CCDC138: variants seen among roughly 807,000 people sequenced by gnomAD.
CCDC138 encodes the protein coiled-coil domain-containing protein 138.
Under a neutral mutation model 82.3 loss-of-function variants are expected in CCDC138, and 66 were observed. The observed-to-expected ratio is 0.80, with a 90% CI of 0.66 to 0.98. The LOEUF (loss-of-function observed/expected upper bound fraction) is 0.98. Ranked by LOEUF, CCDC138 falls within the 50% of genes least tolerant of loss-of-function variation. The pLI is 0.00. For missense variants in CCDC138, 816 were observed against 758.9 expected (o/e 1.08, Z -0.88); for synonymous variants, 297 against 265.4 (o/e 1.12, Z -1.16).
At chr2:108,814,461 A>T (rs978364976) in intron 9 of CCDC138, among the ~76,000 whole-genome samples, 1 of 152,114 alleles carries the variant, frequency 6.6e-6, no homozygotes, top group Non-Finnish European at 1.5e-5. Flanking sequence ...TTTCATCTAA[A>T]GGGAGTTAGT....
chr2:108,802,559 AT>A (rs1682113858), intron 6 of CCDC138, among the ~76,000 whole-genome samples: 1 of 145,278 alleles, frequency 6.9e-6, no homozygotes, highest in African/African-American at 2.6e-5. Flanking sequence ...TAGATAAACA[AT>A]CATGTCGTCT....
intron 12 of CCDC138, among the ~76,000 whole-genome samples, chr2:108,855,500 A>AG (rs1491455823): frequency 6.6e-6 from 1 of 151,970 alleles, no homozygotes; most frequent in Admixed American, 6.6e-5. Flanking sequence ...AAAAAAAAAA[A>AG]GGATGTTTCT....
chr2:108,795,150 A>ATTTTTTTTT lies in CCDC138; in HGVS notation c.576+443_576+451dup, dbSNP rs11458525. 6.6e-4 allele frequency among the ~76,000 whole-genome samples: 56 copies of ATTTTTTTTT among 85,032 alleles called. 1 individual carries two copies. Among genetic ancestry groups the ATTTTTTTTT allele is most frequent in the East Asian group, 1.1e-3 (3 of 2,720 alleles). The allele number at this position is 85,032 out of a possible 152,430, so 55.8% of individuals were successfully genotyped here. ...TTCGGGTTTTTTGTTTCTAAAGTGT[A>ATTTTTTTTT]TTTTTTTTTTTTTTTTTTTTTTGCG... On this transcript the variant is annotated intron_variant, in intron 5 of 14. Coordinates refer to ENST00000295124, the MANE Select transcript of CCDC138 (RefSeq NM_144978.3).
Position 108,816,106 on chromosome 2 carries a change from G to A in CCDC138, c.1206+1G>A, listed in dbSNP as rs1181405821. 1 of 1,596,996 alleles carries A rather than the reference G, an allele frequency of 6.3e-7. No homozygotes were observed. The highest frequency in any genetic ancestry group is 1.4e-5 in the African/African-American group (1 of 73,724). On this transcript the variant is annotated splice_donor_variant, in intron 10 of 14. Coordinates refer to ENST00000295124, the MANE Select transcript of CCDC138 (RefSeq NM_144978.3). LOFTEE classifies it high-confidence loss of function. Reference sequence around the variant, plus strand: ...TGATATTCAGGAGAAGTGTGTAAAGGTTTGTTTTTTAATTTGAAATATGTG... The same window carrying A: ...TGATATTCAGGAGAAGTGTGTAAAGATTTGTTTTTTAATTTGAAATATGTG...
chr2:108,843,843 T>TG (rs1480243620), intron 11 of CCDC138, among the ~76,000 whole-genome samples: 12 of 68,036 alleles, frequency 1.8e-4, no homozygotes, highest in African/African-American at 4.6e-4. Flanking sequence ...AAGTTCATGT[T>TG]TTGTGTGTGT....
chr2:108,799,834 G>T (rs558577080), intron 6 of CCDC138, among the ~76,000 whole-genome samples: 1 of 151,874 alleles, frequency 6.6e-6, no homozygotes, highest in African/African-American at 2.4e-5. Flanking sequence ...GTGTTCTTCA[G>T]ATAGTTTCTT....
intron 13 of CCDC138, among the ~76,000 whole-genome samples, chr2:108,866,832 G>A (rs943990427): frequency 1.3e-4 from 20 of 151,640 alleles, no homozygotes; most frequent in East Asian, 7.7e-4. Context: ...GCAGTGAGCC[G>A]AGATCACGCC....
At chr2:108,862,789 C>T (rs1016423002) in intron 13 of CCDC138, among the ~76,000 whole-genome samples, 6 of 151,828 alleles carry the variant, frequency 4.0e-5, no homozygotes, top group African/African-American at 1.5e-4. Flanking sequence ...TGATGTTGGC[C>T]ACCTTTTGTT....
intron 11 of CCDC138, 36 bp downstream of exon 11, chr2:108,839,337 C>T (rs200011827): frequency 6.6e-7 from 1 of 1,524,154 alleles, no homozygotes; most frequent in East Asian, 2.3e-5. Flanking sequence ...ATAAGTAATA[C>T]TCCACCTAAT....
At chr2:108,873,425 TA>T in intron 13 of CCDC138, 25 bp from the exon 14 acceptor site, 1 of 1,555,364 alleles carries the variant, frequency 6.4e-7, no homozygotes. Context: ...TCCCTAATAG[TA>T]AAGCACTGTT....
At chr2:108,861,192 G>A (rs936275300) in intron 13 of CCDC138, among the ~76,000 whole-genome samples, 5 of 150,876 alleles carry the variant, frequency 3.3e-5, no homozygotes, top group Admixed American at 3.3e-4. Context: ...TATCATTTCT[G>A]ATTGTGTTTA....
intron 5 of CCDC138, 127 bp from the exon 6 acceptor site, chr2:108,798,301 A>G (rs1173447266): frequency 3.3e-6 from 3 of 899,090 alleles, no homozygotes; most frequent in Non-Finnish European, 5.1e-6. Flanking sequence ...ACTGTAATCC[A>G]GATTGTCCTT....
intron 6 of CCDC138, among the ~76,000 whole-genome samples, chr2:108,800,690 A>T (rs1681791728): frequency 8.8e-6 from 1 of 113,314 alleles, no homozygotes; most frequent in Non-Finnish European, 1.7e-5. Context: ...GGTTAGTTAC[A>T]CATGTATACA....
intron 1 of CCDC138, among the ~76,000 whole-genome samples, chr2:108,881,839 C>A (rs188587061): frequency 7.2e-5 from 11 of 152,206 alleles, no homozygotes; most frequent in Admixed American, 3.3e-4. Flanking sequence ...GAAACAATTA[C>A]AATAGTAACA....
chr2:108,875,203 GAAAC>G (rs941424838), intron 14 of CCDC138, among the ~76,000 whole-genome samples: 3 of 148,662 alleles, frequency 2.0e-5, no homozygotes, highest in Admixed American at 6.7e-5. Flanking sequence ...AAGGAAATAA[GAAAC>G]AAAGCTAGAC....
In CCDC138 at chr2:108,812,820, A is replaced by C; in HGVS notation, c.934A>C (p.Arg312=). ...AATTCACGCATATATACTGTTGCAG[A>C]GGAAGTACGAGTTTATGACAATACA... ...RVQARLDNLQ[R]KYEFMTIQRL... is the part of the protein sequence containing the mutation. Residue 312 remains arginine (R), a splice_region_variant and synonymous_variant, in exon 9 of 15, where the codon AGG becomes CGG. Coordinates refer to ENST00000295124, the MANE Select transcript of CCDC138 (RefSeq NM_144978.3). 6.2e-7 allele frequency: 1 copy of C among 1,612,850 alleles called. No individual in the cohort carries two copies. The highest frequency in any genetic ancestry group is 8.5e-7 in the Non-Finnish European group (1 of 1,179,140).
chr2:108,788,796 G>T (rs1163718225), intron 2 of CCDC138, 56 bp from the exon 3 acceptor site: 2 of 1,607,396 alleles, frequency 1.2e-6, no homozygotes. Flanking sequence ...GCCAGTGCCA[G>T]ATATTTTGTG....
chr2:108,839,284 C>G lies in CCDC138; in HGVS notation c.1306C>G (p.Leu436Val), dbSNP rs772849848. 6.2e-7 allele frequency: 1 copy of G among 1,611,244 alleles called. No individual in the cohort carries two copies. The highest frequency in any genetic ancestry group is 1.3e-5 in the African/African-American group (1 of 74,828). ...VKFIYWSLRQLDAGAQHSTMT... is the reference protein window; with the variant it reads ...VKFIYWSLRQVDAGAQHSTMT... ...ATTTATATATTGGTCCCTAAGGCAG[C>G]TAGATGCTGGAGCACAGGTAATTGG... is the stretch of plus-strand genomic sequence containing the variant. Residue 436 changes from leucine to valine, a missense_variant, in exon 11 of 15, where the codon CTA becomes GTA. Transcript: ENST00000295124.
chr2:108,807,160 G>T (rs1002240612), intron 7 of CCDC138, among the ~76,000 whole-genome samples: 4 of 152,110 alleles, frequency 2.6e-5, no homozygotes, highest in African/African-American at 9.7e-5. Flanking sequence ...GCATACTTGC[G>T]AGTGATCCAG....
Sources: gnomAD v4.1 joint callset for allele counts (sites outside exome capture counted in the v4.1 genomes callset) on GRCh38, gnomAD v4.1.1 for gene constraint, MANE v1.5 for transcripts, NCBI Gene and HGNC (gene_info 2026-07-23, HGNC 2026-07-21) for gene names.